Variants in COL24A1 observed in about 807,000 individuals in gnomAD.
The protein encoded by COL24A1 is collagen type XXIV alpha 1 chain.
A neutral mutation model predicts 253.9 loss-of-function variants in COL24A1; 224 were observed. The observed-to-expected ratio is 0.88, with a 90% CI of 0.79 to 0.99. The LOEUF (loss-of-function observed/expected upper bound fraction) is 0.99. Among genes scored for constraint, COL24A1 ranks in the 50% least tolerant of loss-of-function variants. COL24A1 has a pLI of 0.00. For missense variants in COL24A1, 2,131 were observed against 2,068.5 expected (o/e 1.03, Z -0.59); for synonymous variants, 685 against 673.7 (o/e 1.02, Z -0.26).
intron 38 of COL24A1, 54 bp from the exon 39 acceptor site, chr1:85,847,826 T>C: frequency 9.2e-7 from 1 of 1,081,320 alleles, no homozygotes; most frequent in Non-Finnish European, 1.4e-6. Context: ...ATACTTAGAT[T>C]AATTAACTAT....
intron 23 of COL24A1, among the ~76,000 whole-genome samples, chr1:85,963,822 T>C (rs1366230955): frequency 6.6e-6 from 1 of 152,188 alleles, no homozygotes; most frequent in Admixed American, 6.6e-5. Context: ...TTTCACTGGA[T>C]GGTAGCTCAC....
intron 19 of COL24A1, among the ~76,000 whole-genome samples, chr1:86,008,393 C>T (rs1270836544): frequency 6.6e-6 from 1 of 152,058 alleles, no homozygotes; most frequent in Non-Finnish European, 1.5e-5. Flanking sequence ...TATAAATGCA[C>T]ACCACCATGC....
intron 51 of COL24A1, among the ~76,000 whole-genome samples, 164 bp downstream of exon 51, chr1:85,783,332 T>C (rs1669328673): frequency 6.6e-6 from 1 of 151,942 alleles, no homozygotes. Context: ...CAAACTAATA[T>C]ATGAACTGCA....
intron 24 of COL24A1, among the ~76,000 whole-genome samples, chr1:85,949,072 A>G (rs1689640176): frequency 6.6e-6 from 1 of 152,146 alleles, no homozygotes; most frequent in African/African-American, 2.4e-5. Context: ...CTACTATACT[A>G]TGAAAGCAAT....
intron 55 of COL24A1, among the ~76,000 whole-genome samples, chr1:85,755,043 C>T (rs1666081491): frequency 6.6e-6 from 1 of 152,050 alleles, no homozygotes; most frequent in Non-Finnish European, 1.5e-5. Context: ...AGAGAGAATT[C>T]TGAAAGCAGA....
intron 10 of COL24A1, among the ~76,000 whole-genome samples, chr1:86,057,117 G>T (rs1480298212): frequency 6.6e-6 from 1 of 152,134 alleles, no homozygotes; most frequent in African/African-American, 2.4e-5. Context: ...ATCCCTCGTG[G>T]ATGGTTTAGC....
At chr1:86,061,184 A>G (rs955839355) in intron 8 of COL24A1, among the ~76,000 whole-genome samples, 3 of 152,024 alleles carry the variant, frequency 2.0e-5, no homozygotes, top group East Asian at 3.8e-4. Context: ...TGAAGTGCAA[A>G]AAACATCCAA....
rs555881833 is a variant in COL24A1 at position 86,009,436 on chromosome 1, C to A, written c.2310+7715G>T. Among the ~76,000 whole-genome samples, 4 of 152,234 alleles carry A rather than the reference C, an allele frequency of 2.6e-5. 1 individual carries two copies. In the Middle Eastern group the frequency reaches 0.01, roughly 388 times the overall value. On this transcript the variant is annotated intron_variant, in intron 19 of 59. Transcript: ENST00000370571. ...CTTCCACAGACCTAGATAGTATAGTCTACTACAAACCTAAGCTATATGGTA... is the reference window on the plus strand; with the variant it reads ...CTTCCACAGACCTAGATAGTATAGTATACTACAAACCTAAGCTATATGGTA...
intron 45 of COL24A1, 125 bp downstream of exon 45, chr1:85,823,411 T>C (rs1490488499): frequency 1.2e-6 from 1 of 855,760 alleles, no homozygotes; most frequent in East Asian, 2.6e-5. Flanking sequence ...TAGAGGCCCA[T>C]AGTGATCCAT....
At chr1:86,054,476 G>T (rs1374915988) in intron 10 of COL24A1, among the ~76,000 whole-genome samples, 1 of 152,052 alleles carries the variant, frequency 6.6e-6, no homozygotes, top group East Asian at 1.9e-4. Flanking sequence ...TTATTAAAAA[G>T]TGGACAAAGG....
At chr1:85,934,011 A>G (rs556477293) in intron 24 of COL24A1, among the ~76,000 whole-genome samples, 1 of 152,278 alleles carries the variant, frequency 6.6e-6, no homozygotes, top group African/African-American at 2.4e-5. Flanking sequence ...CTGGCTGAGG[A>G]TCTTTCATGA....
intron 28 of COL24A1, among the ~76,000 whole-genome samples, chr1:85,906,264 C>CTTTGTTTTTTTTTTTTTTTTTTTTT (rs1684808246): frequency 1.3e-5 from 1 of 77,848 alleles, no homozygotes; most frequent in Non-Finnish European, 2.4e-5. Flanking sequence ...ACTGCAAGGT[C>CTTTGTTTTTTTTTTTTTTTTTTTTT]TTTTTTTTTT....
At position 85,783,477 on chromosome 1, in the gene COL24A1, A is replaced by G; in HGVS notation, c.4284+19T>C. 1 of 1,610,196 alleles carries G rather than the reference A, an allele frequency of 6.2e-7. No homozygotes were observed. The highest frequency in any genetic ancestry group is 8.5e-7 in the Non-Finnish European group (1 of 1,177,140). The stretch of plus-strand genomic sequence containing the variant: ...CAAAGAACCACAATTTCTGGTAGGC[A>G]GAATGACTTTACACTTACTCTGTGT... On this transcript the variant is annotated intron_variant, in intron 51 of 59. Transcript: ENST00000370571.
At chr1:85,907,163 G>GT (rs1422766707) in intron 28 of COL24A1, 31 bp downstream of exon 28, 3 of 1,580,324 alleles carry the variant, frequency 1.9e-6, no homozygotes, top group Non-Finnish European at 2.6e-6. Context: ...TTTTGGGGGG[G>GT]TTAATGTACT....
intron 1 of COL24A1, among the ~76,000 whole-genome samples, chr1:86,147,928 G>T (rs143558693): frequency 6.6e-6 from 1 of 152,106 alleles, no homozygotes. Flanking sequence ...GATCAGAATC[G>T]CATGAAGCAC....
chr1:85,799,211 AAAAGAAAGAAAGAAAGAAAG>A (rs139787428), intron 47 of COL24A1, among the ~76,000 whole-genome samples: 6 of 137,546 alleles, frequency 4.4e-5, no homozygotes, highest in African/African-American at 1.7e-4. Flanking sequence ...TTGGCCACAT[AAAAGAAAGAAAGAAAGAAAG>A]AAAGAAAGAA....
At chr1:86,134,116 G>A (rs533633219) in intron 2 of COL24A1, among the ~76,000 whole-genome samples, 36 of 152,176 alleles carry the variant, frequency 2.4e-4, no homozygotes, top group Non-Finnish European at 4.1e-4. Flanking sequence ...ATTTCTTCTA[G>A]ATTTTCTAGT....
intron 14 of COL24A1, among the ~76,000 whole-genome samples, chr1:86,024,953 C>T (rs996974914): frequency 6.6e-6 from 1 of 151,598 alleles, no homozygotes; most frequent in East Asian, 1.9e-4. Flanking sequence ...TATATAATAT[C>T]CTATTTTACT....
At chr1:85,945,019 T>TTTTTTTGTTTG (rs1553237047) in intron 24 of COL24A1, among the ~76,000 whole-genome samples, 1 of 73,362 alleles carries the variant, frequency 1.4e-5, no homozygotes, top group Non-Finnish European at 2.7e-5. Flanking sequence ...TTTTTTTTTT[T>TTTTTTTGTTTG]TTTTTTTTTT....
Sources: gnomAD v4.1 joint callset for allele counts (sites outside exome capture counted in the v4.1 genomes callset) on GRCh38, gnomAD v4.1.1 for gene constraint, MANE v1.5 for transcripts, NCBI Gene and HGNC (gene_info 2026-07-23, HGNC 2026-07-21) for gene names.